Variants in KCNIP4 observed in about 807,000 individuals in gnomAD.
KCNIP4 encodes the protein potassium voltage-gated channel interacting protein 4.
In KCNIP4, 12 loss-of-function variants were observed where a neutral mutation model predicts 34.0. The ratio of observed to expected loss-of-function variants is 0.35; its 90% CI spans 0.23 to 0.57. KCNIP4 has a LOEUF of 0.57. Among genes scored for constraint, KCNIP4 ranks in the 20% least tolerant of loss-of-function variants. KCNIP4 has a pLI of 0.83. For synonymous variants in KCNIP4, 124 were observed against 102.2 expected (o/e 1.21, Z -1.29); for missense variants, 238 against 311.7 (o/e 0.76, Z 1.78).
chr4:20,787,896 C>A (rs1475561453), intron 3 of KCNIP4, among the ~76,000 whole-genome samples: 2 of 152,046 alleles, frequency 1.3e-5, no homozygotes, highest in African/African-American at 4.8e-5. Context: ...ATTACATTTT[C>A]TTACTTATGA....
intron 1 of KCNIP4, among the ~76,000 whole-genome samples, chr4:21,001,026 G>A (rs576127673): frequency 3.9e-5 from 6 of 152,078 alleles, no homozygotes; most frequent in African/African-American, 1.2e-4. Flanking sequence ...TTTCCCACTA[G>A]GCTCTAAACA....
In KCNIP4 at chr4:21,112,922, C is replaced by G. The variant is rs1577714959; in HGVS notation, c.62-230213G>C. 2.0e-5 allele frequency among the ~76,000 whole-genome samples: 3 copies of G among 152,094 alleles called. No homozygotes were observed. In the East Asian group the frequency reaches 5.8e-4, roughly 29 times the overall value. The stretch of plus-strand genomic sequence containing the variant: ...TCTCATCCCACTGATATTAAGATAG[C>G]CAACCTTCTAGTGTTTTAGAGATCA... On this transcript the variant is annotated intron_variant, in intron 1 of 8. Coordinates refer to ENST00000382152, the MANE Select transcript of KCNIP4 (RefSeq NM_025221.6).
intron 1 of KCNIP4, among the ~76,000 whole-genome samples, chr4:21,476,794 G>T (rs17464752): frequency 6.6e-6 from 1 of 152,058 alleles, no homozygotes; most frequent in Non-Finnish European, 1.5e-5. Context: ...TCCTTTGGGG[G>T]CCAAAATAAT....
At chr4:21,644,383 A>G (rs2109242301) in intron 1 of KCNIP4, among the ~76,000 whole-genome samples, 1 of 152,314 alleles carries the variant, frequency 6.6e-6, no homozygotes, top group East Asian at 1.9e-4. Context: ...AACTAGATTG[A>G]TGGGAGGCAC....
At chr4:20,800,909 A>C (rs1714143562) in intron 3 of KCNIP4, among the ~76,000 whole-genome samples, 1 of 152,220 alleles carries the variant, frequency 6.6e-6, no homozygotes, top group African/African-American at 2.4e-5. Context: ...TGGGAGAGAT[A>C]TGGACATTCA....
chr4:21,137,877 TG>T lies in KCNIP4; in HGVS notation c.62-255169del, dbSNP rs71589686. ...GCTTTTTCCCTTACACAGGCTTTTTTGTTTTTTTTTTTTTGATGGAGTCTTG... is the reference window on the plus strand; with the variant it reads ...GCTTTTTCCCTTACACAGGCTTTTTTTTTTTTTTTTTTTGATGGAGTCTTG... On this transcript the variant is annotated intron_variant, in intron 1 of 8. Coordinates refer to ENST00000382152, the MANE Select transcript of KCNIP4 (RefSeq NM_025221.6). 1.1e-3 allele frequency among the ~76,000 whole-genome samples: 146 copies of T among 137,388 alleles called. 14 individuals are homozygous for T. The highest frequency in any genetic ancestry group is 3.8e-3 in the African/African-American group (138 of 36,496). 90.1% of individuals were successfully genotyped at this position (137,388 alleles called of 152,430 possible).
intron 1 of KCNIP4, among the ~76,000 whole-genome samples, chr4:21,267,931 T>C (rs965900000): frequency 3.3e-5 from 5 of 151,876 alleles, no homozygotes; most frequent in South Asian, 2.1e-4. Context: ...ATGGTACCAG[T>C]TCCTCCTTGT....
At chr4:21,613,204 T>C (rs538231052) in intron 1 of KCNIP4, 63 of 152,326 alleles carry the variant, frequency 4.1e-4, no homozygotes, top group African/African-American at 1.5e-3. Flanking sequence ...TTGGACAGCC[T>C]ACTACCACAT....
intron 1 of KCNIP4, among the ~76,000 whole-genome samples, chr4:21,355,380 A>G (rs1718475876): frequency 6.6e-6 from 1 of 152,146 alleles, no homozygotes; most frequent in Non-Finnish European, 1.5e-5. Context: ...TTTTGAAAAG[A>G]CCAAACAAAA....
At chr4:21,659,314 T>C (rs1341201603) in intron 1 of KCNIP4, among the ~76,000 whole-genome samples, 1 of 152,182 alleles carries the variant, frequency 6.6e-6, no homozygotes, top group Non-Finnish European at 1.5e-5. Context: ...GTTTTAACCA[T>C]AAATTTTTAA....
At chr4:21,283,009 G>A (rs73802540) in intron 1 of KCNIP4, among the ~76,000 whole-genome samples, 3,801 of 152,204 alleles carry the variant, frequency 0.025, 140 homozygotes, top group African/African-American at 0.085. Context: ...ATAAAAGACT[G>A]AATTACTCAC....
At chr4:21,195,601 A>C (rs1436871008) in intron 1 of KCNIP4, among the ~76,000 whole-genome samples, 4 of 152,264 alleles carry the variant, frequency 2.6e-5, no homozygotes, top group African/African-American at 9.6e-5. Context: ...AAACAGAGGC[A>C]TTGATAAAAA....
At chr4:21,915,000 A>G (rs1419483243) in intron 1 of KCNIP4, among the ~76,000 whole-genome samples, 1 of 151,520 alleles carries the variant, frequency 6.6e-6, no homozygotes, top group Non-Finnish European at 1.5e-5. Context: ...TACGCATTTG[A>G]AAAAAAAATC....
intron 1 of KCNIP4, among the ~76,000 whole-genome samples, chr4:21,260,805 T>A (rs1761419824): frequency 6.6e-6 from 1 of 152,200 alleles, no homozygotes; most frequent in African/African-American, 2.4e-5. Context: ...TTCAAACTCT[T>A]TTCGTTTACA....
chr4:20,840,282 G>A (rs1001878944), intron 3 of KCNIP4, among the ~76,000 whole-genome samples: 2 of 152,038 alleles, frequency 1.3e-5, no homozygotes, highest in African/African-American at 4.8e-5. Flanking sequence ...GCATTCTTTT[G>A]TTGTAATAAA....
At chr4:20,828,988 T>C (rs544016455) in intron 3 of KCNIP4, among the ~76,000 whole-genome samples, 177 of 152,270 alleles carry the variant, frequency 1.2e-3, no homozygotes, top group African/African-American at 4.1e-3. Flanking sequence ...AGCTTTTCAA[T>C]TGGGGACGTC....
intron 1 of KCNIP4, among the ~76,000 whole-genome samples, chr4:20,982,065 C>T (rs1013646367): frequency 6.6e-6 from 1 of 152,176 alleles, no homozygotes; most frequent in Non-Finnish European, 1.5e-5. Flanking sequence ...ATGAAACAGA[C>T]ATTGAAGAAT....
intron 1 of KCNIP4, among the ~76,000 whole-genome samples, chr4:21,427,960 T>A (rs534919845): frequency 1.5e-4 from 23 of 152,224 alleles, no homozygotes; most frequent in African/African-American, 5.3e-4. Context: ...ATAAGTCATA[T>A]GAATTGTTCT....
intron 1 of KCNIP4, among the ~76,000 whole-genome samples, chr4:21,134,193 CT>C (rs1418451286): frequency 1.3e-5 from 2 of 152,144 alleles, no homozygotes; most frequent in Non-Finnish European, 2.9e-5. Flanking sequence ...TCTGCCACCC[CT>C]GAGATAGTAA....
Sources: allele counts gnomAD v4.1 joint callset (sites outside exome capture counted in the v4.1 genomes callset), GRCh38; gene constraint gnomAD v4.1.1; transcripts MANE v1.5; gene names NCBI Gene and HGNC (gene_info 2026-07-23, HGNC 2026-07-21).